SIPA1L2: variants seen among roughly 807,000 people sequenced by gnomAD.
SIPA1L2 encodes the protein signal induced proliferation associated 1 like 2.
SIPA1L2 carries 56 observed loss-of-function variants against 163.9 expected under a neutral mutation model. That is an observed-to-expected ratio of 0.34 (90% confidence interval 0.28 to 0.43). The LOEUF is 0.43. SIPA1L2 is among the 20% of genes least tolerant of loss of function. The pLI is 1.00. For synonymous variants in SIPA1L2, 877 were observed against 865.7 expected (o/e 1.01, Z -0.23); for missense variants, 1,974 against 2,193.5 (o/e 0.90, Z 2.00).
chr1:232,582,471 G>A (rs915776181), intron 1 of SIPA1L2, among the ~76,000 whole-genome samples: 1 of 152,120 alleles, frequency 6.6e-6, no homozygotes, highest in Non-Finnish European at 1.5e-5. Context: ...ATCCATGTTG[G>A]TATGAACGAC....
At chr1:232,438,079 T>A (rs1427629784) in intron 15 of SIPA1L2, among the ~76,000 whole-genome samples, 1 of 151,960 alleles carries the variant, frequency 6.6e-6, no homozygotes, top group African/African-American at 2.4e-5. Flanking sequence ...AATGTAAAGG[T>A]CCCTGAATGA....
intron 3 of SIPA1L2, among the ~76,000 whole-genome samples, chr1:232,496,543 G>C (rs932071421): frequency 3.4e-5 from 5 of 146,848 alleles, no homozygotes; most frequent in African/African-American, 1.3e-4. Context: ...TTTAAGAAGA[G>C]CTGATCCAGA....
At chr1:232,541,896 G>C (rs1224241047) in intron 2 of SIPA1L2, among the ~76,000 whole-genome samples, 2 of 149,650 alleles carry the variant, frequency 1.3e-5, no homozygotes, top group African/African-American at 5.0e-5. Context: ...AGGGGAACTG[G>C]GGCAGGGAAA....
intron 3 of SIPA1L2, among the ~76,000 whole-genome samples, chr1:232,510,550 T>C (rs1188849234): frequency 6.6e-6 from 1 of 152,212 alleles, no homozygotes; most frequent in Non-Finnish European, 1.5e-5. Context: ...CCTAAGCAGT[T>C]TGATGATGTC....
intron 5 of SIPA1L2, among the ~76,000 whole-genome samples, chr1:232,489,999 G>A (rs142888682): frequency 1.3e-3 from 197 of 151,988 alleles, no homozygotes; most frequent in African/African-American, 4.5e-3. Context: ...CTCTATCTTC[G>A]GCGGCCTGTA....
chr1:232,552,760 A>G (rs1658467367), intron 2 of SIPA1L2, among the ~76,000 whole-genome samples: 1 of 152,274 alleles, frequency 6.6e-6, no homozygotes. Flanking sequence ...TTCATGAAAT[A>G]AAAAAGCAGA....
intron 22 of SIPA1L2, among the ~76,000 whole-genome samples, chr1:232,399,501 C>CAT (rs1294465164): frequency 6.6e-6 from 1 of 151,928 alleles, no homozygotes; most frequent in Non-Finnish European, 1.5e-5. Flanking sequence ...ACTCTGCTCC[C>CAT]ATGGGGTGCT....
chr1:232,460,928 C>T lies in SIPA1L2; in HGVS notation c.3054G>A (p.Lys1018=), dbSNP rs190456518. The change falls in exon 10 of 23, where the codon AAG becomes AAA. Residue 1018 remains lysine, a synonymous_variant. Coordinates refer to ENST00000674635, the MANE Select transcript of SIPA1L2 (RefSeq NM_020808.5). ...CATCATGGGGCTGGATGATGACCAC[C>T]TTCACAGTCACAGAAGTACGGAGCA... is the stretch of plus-strand genomic sequence containing the variant. ...IDLLRTSVTV[K]VVIIQPHDDG... 1.8e-4 allele frequency: 283 copies of T among 1,614,234 alleles called. No homozygotes were observed. The African/African-American group carries it at 3.4e-3, about 19-fold the overall frequency.
intron 1 of SIPA1L2, among the ~76,000 whole-genome samples, chr1:232,576,703 G>A (rs189841832): frequency 6.6e-4 from 101 of 152,254 alleles, no homozygotes; most frequent in Middle Eastern, 6.8e-3. Context: ...GCCAAGTCGC[G>A]AATACAAAGG....
intron 1 of SIPA1L2, among the ~76,000 whole-genome samples, chr1:232,603,879 T>C (rs989047236): frequency 1.9e-4 from 29 of 152,066 alleles, no homozygotes; most frequent in African/African-American, 7.0e-4. Context: ...TCAAGTTACC[T>C]ATTTTTGACG....
chr1:232,542,053 A>C (rs1657717571), intron 2 of SIPA1L2, among the ~76,000 whole-genome samples: 2 of 152,302 alleles, frequency 1.3e-5, no homozygotes, highest in South Asian at 4.1e-4. Context: ...ACATAAAAGT[A>C]TCTCTGAATA....
At chr1:232,588,364 T>G (rs939496379) in intron 1 of SIPA1L2, among the ~76,000 whole-genome samples, 3 of 152,170 alleles carry the variant, frequency 2.0e-5, no homozygotes, top group Admixed American at 6.5e-5. Flanking sequence ...TTTATGAAAA[T>G]TTTAGACTTT....
intron 2 of SIPA1L2, among the ~76,000 whole-genome samples, chr1:232,544,453 G>A (rs996281973): frequency 2.0e-5 from 3 of 152,034 alleles, no homozygotes; most frequent in African/African-American, 2.4e-5. Flanking sequence ...CCAGCTACTT[G>A]GGAGGCTGAG....
At position 232,572,762 on chromosome 1, in the gene SIPA1L2, TA is replaced by T. The variant is rs1558277747; in HGVS notation, c.-270+1411del. On this transcript the variant is annotated intron_variant, in intron 2 of 22. Transcript: ENST00000674635. ...ACATATATATATATATATATATATA[TA>T]TATATATATATATATATTTATTTAT... Among the ~76,000 whole-genome samples the T allele has an allele frequency of 2.0e-4, 24 of 117,988 alleles. No homozygotes were observed. The East Asian group carries it at 2.4e-3, about 12-fold the overall frequency. The allele number at this position is 117,988 out of a possible 152,430, so 77.4% of individuals were successfully genotyped here.
intron 2 of SIPA1L2, among the ~76,000 whole-genome samples, chr1:232,547,955 C>T (rs1658140411): frequency 6.6e-6 from 1 of 152,186 alleles, no homozygotes; most frequent in African/African-American, 2.4e-5. Flanking sequence ...CTGTGCTGTG[C>T]AAAGGTGGCC....
intron 2 of SIPA1L2, among the ~76,000 whole-genome samples, chr1:232,554,052 G>C (rs916822420): frequency 3.3e-5 from 5 of 152,238 alleles, no homozygotes; most frequent in African/African-American, 1.2e-4. Context: ...CAGGAGGCAA[G>C]ATTAACATAC....
chr1:232,426,303 C>T (rs935593403), intron 17 of SIPA1L2, among the ~76,000 whole-genome samples: 15 of 152,022 alleles, frequency 9.9e-5, no homozygotes, highest in African/African-American at 2.9e-4. Flanking sequence ...GAAGCTTTGC[C>T]GGCCACATAA....
At chr1:232,613,573 A>T (rs563348396) in intron 1 of SIPA1L2, among the ~76,000 whole-genome samples, 2 of 152,354 alleles carry the variant, frequency 1.3e-5, no homozygotes, top group East Asian at 3.9e-4. Flanking sequence ...TAGGAATCTA[A>T]ACACTTAGAA....
chr1:232,509,523 G>A (rs967731039), intron 3 of SIPA1L2, among the ~76,000 whole-genome samples: 5 of 152,138 alleles, frequency 3.3e-5, no homozygotes, highest in Non-Finnish European at 5.9e-5. Flanking sequence ...CAAAAACATC[G>A]TTATCTGTGC....
Sources: allele counts gnomAD v4.1 joint callset (sites outside exome capture counted in the v4.1 genomes callset), GRCh38; gene constraint gnomAD v4.1.1; transcripts MANE v1.5; gene names NCBI Gene and HGNC (gene_info 2026-07-23, HGNC 2026-07-21).